The following CTDSP2 variants were observed in gnomAD, a reference collection of about 807,000 sequenced individuals.
CTDSP2 encodes CTD small phosphatase 2, also known as carboxy-terminal domain RNA polymerase II polypeptide A small phosphatase 2.
In CTDSP2, 9 loss-of-function variants were observed where a neutral mutation model predicts 31.6. That is an observed-to-expected ratio of 0.28 (90% confidence interval 0.17 to 0.50). The LOEUF (loss-of-function observed/expected upper bound fraction) is 0.50, where lower values mean the gene tolerates loss of function less well. Among genes scored for constraint, CTDSP2 ranks in the 20% least tolerant of loss-of-function variants. The pLI is 0.98. For synonymous variants in CTDSP2, 134 were observed against 134.5 expected, an observed-to-expected ratio of 1.00 and a Z score of 0.03; for missense variants, 267 against 348.5, an observed-to-expected ratio of 0.77 and a Z score of 1.86.
At chr12:57,829,712 C>T (rs758352911) in intron 1 of CTDSP2, 116 bp from the exon 2 acceptor site, 62 of 831,770 alleles carry the variant, frequency 7.5e-5, no homozygotes, top group South Asian at 4.4e-4. Flanking sequence ...ACACAGTATA[C>T]GGCTGGTGAA....
chr12:57,830,990 C>T (rs918416812), intron 1 of CTDSP2, among the ~76,000 whole-genome samples: 8 of 151,164 alleles, frequency 5.3e-5, no homozygotes, highest in Non-Finnish European at 7.4e-5. Flanking sequence ...TCAGGTGATC[C>T]GCCCATCTCG....
At chr12:57,826,055 A>C (rs1173018620) in intron 5 of CTDSP2, among the ~76,000 whole-genome samples, 3 of 152,252 alleles carry the variant, frequency 2.0e-5, no homozygotes, top group African/African-American at 7.2e-5. Context: ...GGTGGTTAAC[A>C]AACGATAGCT....
chr12:57,829,718 G>A (rs1565845721), intron 1 of CTDSP2, 122 bp from the exon 2 acceptor site: 1 of 759,188 alleles, frequency 1.3e-6, no homozygotes, highest in East Asian at 2.6e-5. Flanking sequence ...TATACGGCTG[G>A]TGAACAACCA....
chr12:57,824,552 G>C, intron 5 of CTDSP2: 2 of 667,516 alleles, frequency 3.0e-6, no homozygotes, highest in Admixed American at 3.8e-5. Flanking sequence ...CCTGGCTCAG[G>C]AAGAAGCGCA....
chr12:57,839,924 T>C (rs1196401024), intron 1 of CTDSP2, among the ~76,000 whole-genome samples: 1 of 152,062 alleles, frequency 6.6e-6, no homozygotes, highest in East Asian at 1.9e-4. Context: ...ACCTTGCCTA[T>C]GGCAAGTACT....
At position 57,823,554 on chromosome 12, in the gene CTDSP2, G is replaced by A; in HGVS notation, c.*48C>T. Reference sequence around the variant, plus strand: ...GTCACGCTGATCGTAAAGGCACAGTGTGGGAAAGTCCCCTACTGGGATGGC... The same window carrying A: ...GTCACGCTGATCGTAAAGGCACAGTATGGGAAAGTCCCCTACTGGGATGGC... On this transcript the variant is annotated 3_prime_UTR_variant, in exon 8 of 8. Transcript: ENST00000398073. 1 of 1,606,124 alleles carries A rather than the reference G, an allele frequency of 6.2e-7. No homozygotes were observed. The highest frequency in any genetic ancestry group is 8.5e-7 in the Non-Finnish European group (1 of 1,176,930).
At chr12:57,826,529 T>G in intron 4 of CTDSP2, 127 bp from the exon 5 acceptor site, 1 of 804,680 alleles carries the variant, frequency 1.2e-6, no homozygotes, top group Non-Finnish European at 2.1e-6. Context: ...GCCACCTCAT[T>G]AAGGGGTTCT....
chr12:57,837,926 G>A (rs1179018285), intron 1 of CTDSP2, among the ~76,000 whole-genome samples: 2 of 152,026 alleles, frequency 1.3e-5, no homozygotes, highest in Non-Finnish European at 2.9e-5. Context: ...GAGGGTCACA[G>A]GTCACACACT....
chr12:57,845,846 G>A (rs1026319206), intron 1 of CTDSP2, among the ~76,000 whole-genome samples: 1 of 152,156 alleles, frequency 6.6e-6, no homozygotes, highest in Non-Finnish European at 1.5e-5. Context: ...GCCTCCAAGA[G>A]GTGAACTTGG....
chr12:57,838,113 C>T lies in CTDSP2; in HGVS notation c.64+8259G>A, dbSNP rs112605704. 3.9e-3 allele frequency among the ~76,000 whole-genome samples: 596 copies of T among 152,272 alleles called. 16 individuals carry two copies. In the South Asian group the frequency reaches 0.07, roughly 18 times the overall value. ...GGGCAGCTCCAACGTACTTTAAAAA[C>T]GTGCTGGGTTGGGGTGGGCCTCCAT... On this transcript the variant is annotated intron_variant, in intron 1 of 7. Transcript: ENST00000398073.
intron 1 of CTDSP2, among the ~76,000 whole-genome samples, chr12:57,839,835 A>C (rs1956271979): frequency 6.6e-6 from 1 of 151,958 alleles, no homozygotes; most frequent in South Asian, 2.1e-4. Flanking sequence ...CTGTAAAGTG[A>C]GGTTAATTCC....
intron 1 of CTDSP2, among the ~76,000 whole-genome samples, chr12:57,844,187 T>G (rs1313844422): frequency 6.6e-6 from 1 of 151,216 alleles, no homozygotes; most frequent in African/African-American, 2.4e-5. Context: ...AGAGTAAGAC[T>G]CCATCTCAAT....
In CTDSP2 at chr12:57,824,321, T is replaced by C. The variant is rs1168262359; in HGVS notation, c.412-2A>G. The C allele has an allele frequency of 6.2e-7, 1 of 1,611,694 alleles. No individual in the cohort carries two copies. Among genetic ancestry groups the C allele is most frequent in the African/African-American group, 1.3e-5 (1 of 74,836 alleles). On this transcript the variant is annotated splice_acceptor_variant, in intron 5 of 7. Transcript: ENST00000398073. LOFTEE classifies it high-confidence loss of function. ...ATAAGGCCTCTTGAGCACATACACC[T>C]GAGGAAGAGCAGAGCAGCCTGTTGG...
In CTDSP2 at chr12:57,846,671, G is replaced by A. The variant is rs999349932; in HGVS notation, c.-236C>T. On this transcript the variant is annotated 5_prime_UTR_variant, in exon 1 of 8. Transcript: ENST00000398073. ...GTGCCCCCGGCCCCGATCCCCCAGC[G>A]GCAGCTCCGGGCTCCTCAGTTTGGG... 6.9e-6 allele frequency: 3 copies of A among 434,410 alleles called. No homozygotes were observed. Among genetic ancestry groups the A allele is most frequent in the African/African-American group, 2.1e-5 (1 of 47,612 alleles). 26.9% of individuals were successfully genotyped at this position (434,410 alleles called of 1,614,324 possible).
At chr12:57,840,734 GA>G (rs561773029) in intron 1 of CTDSP2, among the ~76,000 whole-genome samples, 97 of 151,562 alleles carry the variant, frequency 6.4e-4, no homozygotes, top group African/African-American at 2.0e-3. Flanking sequence ...AATAAAAAGA[GA>G]GTAAGAGCAA....
intron 2 of CTDSP2, among the ~76,000 whole-genome samples, chr12:57,828,145 C>A (rs747929917): frequency 1.3e-5 from 2 of 152,164 alleles, no homozygotes; most frequent in African/African-American, 4.8e-5. Context: ...GACCGCCGGG[C>A]GCAGTGGCTC....
chr12:57,821,681 GAC>G lies in CTDSP2; in HGVS notation c.*1919_*1920del, dbSNP rs1458773651. 6.6e-6 allele frequency: 1 copy of G among 152,244 alleles called. No homozygotes were observed. 9.4% of individuals were successfully genotyped at this position (152,244 alleles called of 1,614,324 possible). On this transcript the variant is annotated 3_prime_UTR_variant, in exon 8 of 8. Transcript: ENST00000398073. The stretch of plus-strand genomic sequence containing the variant: ...TCTGAGCTCCTGCTTTCCTTCAAGA[GAC>G]AGTATATTTCTGGCTAGCACATGGG...
At chr12:57,836,671 C>T (rs571767122) in intron 1 of CTDSP2, among the ~76,000 whole-genome samples, 4 of 152,004 alleles carry the variant, frequency 2.6e-5, no homozygotes, top group South Asian at 2.1e-4. Flanking sequence ...TGTACAAACA[C>T]GTGAACACGT....
chr12:57,845,757 C>T (rs1486343545), intron 1 of CTDSP2, among the ~76,000 whole-genome samples: 6 of 152,110 alleles, frequency 3.9e-5, no homozygotes, highest in African/African-American at 1.4e-4. Context: ...CGCCAAGGTC[C>T]CGGGGCCTGC....
Sources: gnomAD v4.1 joint callset for allele counts (sites outside exome capture counted in the v4.1 genomes callset) on GRCh38, gnomAD v4.1.1 for gene constraint, MANE v1.5 for transcripts, NCBI Gene and HGNC (gene_info 2026-07-23, HGNC 2026-07-21) for gene names.